DTNA: variants seen among roughly 807,000 people sequenced by gnomAD.
DTNA encodes the protein dystrobrevin alpha.
DTNA carries 43 observed loss-of-function variants against 100.7 expected under a neutral mutation model. The observed-to-expected ratio is 0.43, with a 90% CI of 0.33 to 0.55. The LOEUF (loss-of-function observed/expected upper bound fraction) is 0.55. DTNA is among the 20% of genes least tolerant of loss of function. The pLI is 0.04. For missense variants in DTNA, 798 were observed against 953.9 expected, an observed-to-expected ratio of 0.84 and a Z score of 2.15; for synonymous variants, 349 against 347.9, an observed-to-expected ratio of 1.00 and a Z score of -0.04.
At chr18:34,832,162 AGATTAAT>A (rs1430284996) in intron 11 of DTNA, among the ~76,000 whole-genome samples, 1 of 152,208 alleles carries the variant, frequency 6.6e-6, no homozygotes, top group Non-Finnish European at 1.5e-5. Context: ...ATTTTTTCTA[AGATTAAT>A]GCCCATCCAT....
At chr18:34,799,853 C>T (rs987661157) in intron 4 of DTNA, among the ~76,000 whole-genome samples, 3 of 152,092 alleles carry the variant, frequency 2.0e-5, no homozygotes, top group African/African-American at 7.2e-5. Flanking sequence ...TGGGGGCATT[C>T]CAACAGTATT....
intron 1 of DTNA, among the ~76,000 whole-genome samples, chr18:34,661,107 A>G (rs1001743418): frequency 1.3e-5 from 2 of 152,124 alleles, no homozygotes; most frequent in African/African-American, 4.8e-5. Flanking sequence ...TGTATTACTA[A>G]CCTATTTGAA....
intron 1 of DTNA, among the ~76,000 whole-genome samples, chr18:34,667,883 C>T (rs1350681453): frequency 6.6e-6 from 1 of 152,046 alleles, no homozygotes; most frequent in Admixed American, 6.6e-5. Flanking sequence ...GTCTAAAATT[C>T]TCTTTTTTTT....
intron 2 of DTNA, among the ~76,000 whole-genome samples, chr18:34,763,730 C>T (rs2093322778): frequency 6.6e-6 from 1 of 152,146 alleles, no homozygotes; most frequent in South Asian, 2.1e-4. Context: ...TAGCCAGTCA[C>T]AGAACAGGGT....
intron 1 of DTNA, 144 bp downstream of exon 1, chr18:34,710,589 C>G (rs1184464127): frequency 2.0e-5 from 3 of 152,000 alleles, no homozygotes; most frequent in Admixed American, 2.0e-4. Flanking sequence ...CTCCTAGCTC[C>G]TCCACCTCCG....
intron 1 of DTNA, 91 bp downstream of exon 1, chr18:34,710,536 C>G (rs920385774): frequency 6.6e-6 from 1 of 152,062 alleles, no homozygotes; most frequent in Non-Finnish European, 1.5e-5. Context: ...TCGCCCCCAC[C>G]CCCACCCCCA....
At chr18:34,702,313 A>C (rs1386888221) in intron 1 of DTNA, among the ~76,000 whole-genome samples, 1 of 152,222 alleles carries the variant, frequency 6.6e-6, no homozygotes, top group Non-Finnish European at 1.5e-5. Flanking sequence ...ATGGACACAG[A>C]CTAAATTATC....
chr18:34,656,581 G>T lies in DTNA; in HGVS notation c.-1-99395G>T, dbSNP rs769916586. The stretch of plus-strand genomic sequence containing the variant: ...ATTGAAGTTCTCCTAGCCCTGCCAG[G>T]TTTCCTAAACCACATTTCACAGATG... On this transcript the variant is annotated intron_variant, in intron 1 of 19. Coordinates refer to the DTNA transcript ENST00000283365. 4.6e-4 allele frequency among the ~76,000 whole-genome samples: 70 copies of T among 152,118 alleles called. 1 individual carries two copies. Among genetic ancestry groups the T allele is most frequent in the Admixed American group, 1.6e-3 (25 of 15,276 alleles).
intron 1 of DTNA, among the ~76,000 whole-genome samples, chr18:34,537,070 G>C (rs560994603): frequency 6.6e-6 from 1 of 152,096 alleles, no homozygotes; most frequent in East Asian, 1.9e-4. Flanking sequence ...ACTGTGTTCT[G>C]TGAAGTATCA....
intron 4 of DTNA, among the ~76,000 whole-genome samples, 183 bp from the exon 5 acceptor site, chr18:34,806,036 T>A (rs2095351600): frequency 6.6e-6 from 1 of 152,248 alleles, no homozygotes; most frequent in South Asian, 2.1e-4. Flanking sequence ...TCTTCAGATA[T>A]GTGCATTGAA....
chr18:34,890,184 C>A lies in DTNA; in HGVS notation c.*2450C>A. 1 of 1,442,640 alleles carries A rather than the reference C, an allele frequency of 6.9e-7. No homozygotes were observed. Among genetic ancestry groups the A allele is most frequent in the Admixed American group, 2.7e-5 (1 of 36,974 alleles). 89.4% of individuals were successfully genotyped at this position (1,442,640 alleles called of 1,614,324 possible). ...CCCCGTTGTCATAGCTATTTCATTGCCAACCAACTCCATCACATGGTTGTT... is the reference window on the plus strand; with the variant it reads ...CCCCGTTGTCATAGCTATTTCATTGACAACCAACTCCATCACATGGTTGTT... On this transcript the variant is annotated 3_prime_UTR_variant, in exon 23 of 23. Coordinates refer to ENST00000444659, the MANE Select transcript of DTNA (RefSeq NM_001386795.1).
At chr18:34,720,507 A>G (rs1445710639) in intron 1 of DTNA, among the ~76,000 whole-genome samples, 1 of 152,174 alleles carries the variant, frequency 6.6e-6, no homozygotes, top group Non-Finnish European at 1.5e-5. Context: ...AAGAAATGTG[A>G]GAAAGCTAGA....
At chr18:34,869,791 G>A (rs983708186) in intron 17 of DTNA, among the ~76,000 whole-genome samples, 1 of 152,218 alleles carries the variant, frequency 6.6e-6, no homozygotes, top group African/African-American at 2.4e-5. Flanking sequence ...GGAGGCCGAG[G>A]CAGGCAGATC....
chr18:34,523,812 C>T (rs1040087148), intron 1 of DTNA, among the ~76,000 whole-genome samples: 8 of 152,076 alleles, frequency 5.3e-5, no homozygotes, highest in East Asian at 1.9e-4. Flanking sequence ...CTAGTGATGG[C>T]TTTTAATATC....
intron 3 of DTNA, among the ~76,000 whole-genome samples, chr18:34,770,071 C>G (rs958564802): frequency 6.6e-6 from 1 of 152,068 alleles, no homozygotes; most frequent in Non-Finnish European, 1.5e-5. Context: ...GTTCTGCCCT[C>G]AAGTCCTGAT....
intron 1 of DTNA, among the ~76,000 whole-genome samples, chr18:34,512,832 A>T (rs1430490980): frequency 6.6e-6 from 1 of 152,064 alleles, no homozygotes; most frequent in Non-Finnish European, 1.5e-5. Flanking sequence ...AGTTTACCAG[A>T]TTTTGCATAT....
intron 1 of DTNA, among the ~76,000 whole-genome samples, chr18:34,747,889 G>A (rs1195435312): frequency 6.6e-6 from 1 of 152,072 alleles, no homozygotes; most frequent in Non-Finnish European, 1.5e-5. Context: ...GATCTCCATA[G>A]TGTTTTCCAT....
At chr18:34,583,590 T>G (rs559320947) in intron 1 of DTNA, among the ~76,000 whole-genome samples, 1 of 152,078 alleles carries the variant, frequency 6.6e-6, no homozygotes, top group South Asian at 2.1e-4. Context: ...TATTGACTTT[T>G]TTTTTTTTTA....
intron 4 of DTNA, among the ~76,000 whole-genome samples, chr18:34,797,367 G>C (rs2095025068): frequency 6.6e-6 from 1 of 152,156 alleles, no homozygotes; most frequent in Non-Finnish European, 1.5e-5. Context: ...ACCAGGGGCT[G>C]AGAGGGAAGA....
Sources: gnomAD v4.1 joint callset for allele counts (sites outside exome capture counted in the v4.1 genomes callset) on GRCh38, gnomAD v4.1.1 for gene constraint, MANE v1.5 for transcripts, NCBI Gene and HGNC (gene_info 2026-07-23, HGNC 2026-07-21) for gene names.